Variants in RDX observed in about 807,000 individuals in gnomAD.
RDX encodes deafness, autosomal recessive 24.
In RDX, 32 loss-of-function variants were observed where a neutral mutation model predicts 83.7. The observed-to-expected ratio is 0.38, with a 90% CI of 0.29 to 0.51. RDX has a LOEUF of 0.51. RDX is among the 20% of genes least tolerant of loss of function. The pLI is 0.87. For missense variants in RDX, 600 were observed against 689.9 expected (o/e 0.87, Z 1.46); for synonymous variants, 229 against 222.7 (o/e 1.03, Z -0.25).
downstream of RDX, among the ~76,000 whole-genome samples, chr11:110,229,142 CTG>C (rs1216652306): frequency 6.6e-6 from 1 of 151,896 alleles, no homozygotes; most frequent in Non-Finnish European, 1.5e-5. Context: ...TGACAAGAAA[CTG>C]TATCTTCCTC....
intron 5 of RDX, chr11:110,263,532 C>A: frequency 6.4e-6 from 1 of 155,872 alleles, no homozygotes; most frequent in Non-Finnish European, 1.4e-5. Flanking sequence ...AGAAGTATAC[C>A]CCATGATCCA....
chr11:110,214,054 A>G (rs2134261654), intron 14 of RDX, among the ~76,000 whole-genome samples: 1 of 100,804 alleles, frequency 9.9e-6, no homozygotes, highest in East Asian at 3.3e-4. Flanking sequence ...TGAACAGGCA[A>G]CCTACAAAAT....
chr11:110,214,928 A>T (rs1015176641), intron 14 of RDX, among the ~76,000 whole-genome samples: 9 of 149,542 alleles, frequency 6.0e-5, no homozygotes, highest in African/African-American at 2.0e-4. Flanking sequence ...CCAGCATGGC[A>T]CATGTATACA....
chr11:110,220,790 G>A (rs1047709057), intron 14 of RDX, among the ~76,000 whole-genome samples: 1 of 149,622 alleles, frequency 6.7e-6, no homozygotes, highest in Non-Finnish European at 1.5e-5. Flanking sequence ...GAGCCACCAC[G>A]CCTGGCCCCA....
At chr11:110,232,573 T>C (rs1194125937) in intron 13 of RDX, among the ~76,000 whole-genome samples, 1 of 152,216 alleles carries the variant, frequency 6.6e-6, no homozygotes. Context: ...GATTATGTAA[T>C]GTCTTAAACA....
chr11:110,248,930 G>C (rs1017724341), intron 9 of RDX, among the ~76,000 whole-genome samples: 6 of 152,138 alleles, frequency 3.9e-5, no homozygotes, highest in Admixed American at 2.6e-4. Flanking sequence ...ATGACAGTAG[G>C]TGGCTAATGA....
chr11:110,234,012 GGT>G, intron 12 of RDX, among the ~76,000 whole-genome samples: 1 of 152,190 alleles, frequency 6.6e-6, no homozygotes, highest in South Asian at 2.1e-4. Flanking sequence ...CAATTATTTG[GGT>G]GATCATATTA....
chr11:110,235,466 T>C (rs960414075), intron 12 of RDX, among the ~76,000 whole-genome samples: 1 of 152,210 alleles, frequency 6.6e-6, no homozygotes, highest in African/African-American at 2.4e-5. Flanking sequence ...AGTTTGGGTC[T>C]TTATCTCTTA....
At chr11:110,296,088 AG>A (rs2134467437) in intron 1 of RDX, among the ~76,000 whole-genome samples, 1 of 152,330 alleles carries the variant, frequency 6.6e-6, no homozygotes, top group Non-Finnish European at 1.5e-5. Context: ...CCCGGGGCCC[AG>A]TCCAGGCAGC....
chr11:110,209,269 C>T (rs1485789430), intron 14 of RDX, among the ~76,000 whole-genome samples: 2 of 151,962 alleles, frequency 1.3e-5, no homozygotes, highest in South Asian at 4.2e-4. Flanking sequence ...CCGAATACTG[C>T]GCTTTTCCGA....
At chr11:110,226,651 T>TA (rs958546923), downstream of RDX, among the ~76,000 whole-genome samples, 4 of 152,138 alleles carry the variant, frequency 2.6e-5, no homozygotes, top group Non-Finnish European at 4.4e-5. Context: ...TTTACCATGA[T>TA]AAAAAAAGAT....
At chr11:110,252,776 ACT>A (rs59303148) in intron 9 of RDX, among the ~76,000 whole-genome samples, 57,605 of 137,876 alleles carry the variant, frequency 0.42, 11,262 homozygotes, top group East Asian at 0.61. Flanking sequence ...CCAACTCATT[ACT>A]CTTTTTTTTA....
chr11:110,199,125 T>C (rs1337940243), intron 15 of RDX, among the ~76,000 whole-genome samples: 2 of 152,038 alleles, frequency 1.3e-5, no homozygotes, highest in African/African-American at 2.4e-5. Context: ...TGAATATGGA[T>C]TTTTTAAAAA....
chr11:110,250,743 A>G (rs950286107), intron 9 of RDX, among the ~76,000 whole-genome samples: 3 of 152,186 alleles, frequency 2.0e-5, no homozygotes, highest in Non-Finnish European at 4.4e-5. Flanking sequence ...TATACAGCAG[A>G]TATTTAAACT....
At chr11:110,176,339 C>G (rs1426842085) in intron 15 of RDX, among the ~76,000 whole-genome samples, 4 of 152,196 alleles carry the variant, frequency 2.6e-5, no homozygotes, top group East Asian at 1.9e-4. Context: ...ACTGGGATTA[C>G]AGGCATGAGC....
intron 15 of RDX, among the ~76,000 whole-genome samples, chr11:110,198,951 G>C (rs1200345497): frequency 6.6e-6 from 1 of 152,032 alleles, no homozygotes; most frequent in African/African-American, 2.4e-5. Flanking sequence ...AAGTAGCTGG[G>C]ACTACAGGCA....
intron 15 of RDX, among the ~76,000 whole-genome samples, chr11:110,195,246 G>A (rs571001549): frequency 1.3e-5 from 2 of 152,228 alleles, no homozygotes; most frequent in Middle Eastern, 3.4e-3. Context: ...TTACAGACGT[G>A]AGCCACCGTG....
Position 110,231,983 on chromosome 11 carries a change from T to C in RDX, c.1638A>G (p.Gln546=), listed in dbSNP as rs374721219. The C allele has an allele frequency of 3.7e-6, 6 of 1,614,132 alleles. No individual in the cohort carries two copies. Among genetic ancestry groups the C allele is most frequent in the Non-Finnish European group, 4.2e-6 (5 of 1,179,992 alleles). ...AQARDETKKT[Q]NDVLHAENVK... is the part of the protein sequence containing the mutation. ...CATTCTCAGCATGAAGAACATCATT[T>C]TGTGTTTTCTTGGTTTCATCTCTGG... is the stretch of plus-strand genomic sequence containing the variant. Residue 546 remains glutamine (Q), a synonymous_variant, in exon 14 of 14, where the codon CAA becomes CAG. Transcript: ENST00000645495.
chr11:110,233,364 T>A lies in RDX; in HGVS notation c.1460A>T (p.Asp487Val). The A allele has an allele frequency of 6.2e-7, 1 of 1,614,214 alleles. No individual in the cohort carries two copies. Among genetic ancestry groups the A allele is most frequent in the South Asian group, 1.1e-5 (1 of 91,080 alleles). The stretch of plus-strand genomic sequence containing the variant: ...TTCAGCATTATTCTCATCGTGTTCA[T>A]CATGTTCGTTTTCTGTTGGAGGAAT... ...PVIPPTENEHDEHDENNAEAS... is the reference protein window; with the variant it reads ...PVIPPTENEHVEHDENNAEAS... Residue 487 changes from aspartate (D) to valine (V), a missense_variant, in exon 13 of 14, where the codon GAT becomes GTT. Asp to Val is a radical substitution (Grantham distance 152). Coordinates refer to ENST00000645495, the MANE Select transcript of RDX (RefSeq NM_002906.4).
Sources: allele counts gnomAD v4.1 joint callset (sites outside exome capture counted in the v4.1 genomes callset), GRCh38; gene constraint gnomAD v4.1.1; transcripts MANE v1.5; gene names NCBI Gene and HGNC (gene_info 2026-07-23, HGNC 2026-07-21).